The following DMD variants were observed in gnomAD, a reference collection of about 807,000 sequenced individuals.
The protein encoded by DMD is mutant dystrophin.
DMD carries 63 observed loss-of-function variants against 330.1 expected under a neutral mutation model. The observed-to-expected ratio is 0.19, with a 90% CI of 0.16 to 0.24. DMD has a LOEUF of 0.24. DMD is among the 10% of genes least tolerant of loss of function. The pLI is 1.00. For missense variants in DMD, 3,344 were observed against 2,684.1 expected, an observed-to-expected ratio of 1.25 and a Z score of -5.43; for synonymous variants, 1,223 against 959.8, an observed-to-expected ratio of 1.27 and a Z score of -5.07.
chrX:32,881,266 C>G (rs1156799261), intron 2 of DMD, among the ~76,000 whole-genome samples: 3 of 112,341 alleles, frequency 2.7e-5, no homozygotes, highest in Non-Finnish European at 5.6e-5. Flanking sequence ...CTTGCTTTAC[C>G]TTGGCTACAG....
At chrX:32,179,506 A>G (rs2096919935) in intron 44 of DMD, among the ~76,000 whole-genome samples, 1 of 112,399 alleles carries the variant, frequency 8.9e-6, no homozygotes, top group Non-Finnish European at 1.9e-5. Flanking sequence ...TCTGGATCTT[A>G]GGAGAAAATA....
intron 49 of DMD, among the ~76,000 whole-genome samples, chrX:31,824,919 G>A (rs73213887): frequency 0.077 from 8,587 of 110,971 alleles, 248 homozygotes; most frequent in Middle Eastern, 0.11. Context: ...TATCCAGAAT[G>A]CATGATGTAA....
intron 44 of DMD, among the ~76,000 whole-genome samples, chrX:32,050,987 T>TC (rs35739910): frequency 5.0e-5 from 5 of 99,261 alleles, no homozygotes; most frequent in South Asian, 4.6e-4. Context: ...TTTTTTTTTT[T>TC]CCCCCTAATA....
intron 2 of DMD, among the ~76,000 whole-genome samples, chrX:32,853,981 A>C (rs2081350160): frequency 9.0e-6 from 1 of 111,712 alleles, no homozygotes; most frequent in Admixed American, 9.5e-5. Flanking sequence ...GAAGAGACAA[A>C]GATCAACATA....
chrX:31,421,900 TACACACACAC>T (rs201760249), intron 60 of DMD, among the ~76,000 whole-genome samples: 15,699 of 84,170 alleles, frequency 0.19, 2,572 homozygotes, highest in African/African-American at 0.45. Flanking sequence ...TATATATATA[TACACACACAC>T]ACACATATAT....
intron 61 of DMD, among the ~76,000 whole-genome samples, chrX:31,324,888 A>G (rs1489715631): frequency 8.9e-6 from 1 of 112,348 alleles, no homozygotes; most frequent in Non-Finnish European, 1.9e-5. Context: ...ACTGCCAGAC[A>G]ATTTAAGCGT....
At chrX:31,191,728 A>AT (rs942117247) in intron 67 of DMD, among the ~76,000 whole-genome samples, 6 of 111,760 alleles carry the variant, frequency 5.4e-5, no homozygotes, top group Non-Finnish European at 1.1e-4. Flanking sequence ...AAATTGCCCC[A>AT]TCTCAGGTAT....
At chrX:32,671,995 A>C (rs1464460012) in intron 9 of DMD, among the ~76,000 whole-genome samples, 1 of 111,715 alleles carries the variant, frequency 9.0e-6, no homozygotes, top group Non-Finnish European at 1.9e-5. Flanking sequence ...AGAAAAGAAA[A>C]ATATGATGAT....
At chrX:32,755,494 G>A (rs1419484802) in intron 7 of DMD, among the ~76,000 whole-genome samples, 1 of 111,545 alleles carries the variant, frequency 9.0e-6, no homozygotes, top group Non-Finnish European at 1.9e-5. Context: ...TTCCCTGTGG[G>A]CAGGTAATGT....
At chrX:32,723,516 G>T (rs2066548778) in intron 7 of DMD, among the ~76,000 whole-genome samples, 1 of 111,341 alleles carries the variant, frequency 9.0e-6, no homozygotes, top group Admixed American at 9.6e-5. Context: ...TTAAATGTTT[G>T]GAAGAAATGA....
chrX:33,265,379 A>AT (rs962040444), intron 1 of DMD, among the ~76,000 whole-genome samples: 3 of 110,824 alleles, frequency 2.7e-5, no homozygotes, highest in East Asian at 5.7e-4. Context: ...TTATTTATTT[A>AT]TTTTTTTGCT....
intron 43 of DMD, among the ~76,000 whole-genome samples, chrX:32,263,234 C>T (rs2097330807): frequency 8.9e-6 from 1 of 111,767 alleles, no homozygotes; most frequent in Non-Finnish European, 1.9e-5. Flanking sequence ...TGCTAGATTT[C>T]AGGGAAAAAT....
At chrX:31,286,413 T>A (rs2053215294) in intron 62 of DMD, among the ~76,000 whole-genome samples, 1 of 112,747 alleles carries the variant, frequency 8.9e-6, no homozygotes, top group Non-Finnish European at 1.9e-5. Context: ...GTTTATCAGA[T>A]AATTTTGATA....
At chrX:32,524,180 C>T (rs2046727320) in intron 17 of DMD, among the ~76,000 whole-genome samples, 1 of 110,976 alleles carries the variant, frequency 9.0e-6, no homozygotes, top group African/African-American at 3.3e-5. Flanking sequence ...TAGATCCGCC[C>T]GCCTCGGCCT....
At chrX:33,256,337 T>C (rs2052855898) in intron 1 of DMD, among the ~76,000 whole-genome samples, 2 of 110,747 alleles carry the variant, frequency 1.8e-5, no homozygotes, top group African/African-American at 6.5e-5. Context: ...CAATTCCTAA[T>C]GTTTAAAAAT....
rs192679480 is a variant in DMD at position 32,381,683 on chromosome X, A to G, written c.4675-1003T>C. Among the ~76,000 whole-genome samples the G allele has an allele frequency of 2.9e-3, 321 of 111,918 alleles. 2 individuals carry two copies. Among genetic ancestry groups the G allele is most frequent in the Middle Eastern group, 0.014 (3 of 218 alleles). ...AATAAAGGAATGAATGAAGACTTGC[A>G]AATCGTTAATTACAAGTTAGAAAAT... On this transcript the variant is annotated intron_variant, in intron 33 of 78. Transcript: ENST00000357033.
At chrX:33,165,952 A>C (rs1284897639) in intron 1 of DMD, among the ~76,000 whole-genome samples, 1 of 111,386 alleles carries the variant, frequency 9.0e-6, no homozygotes, top group East Asian at 2.8e-4. Context: ...GGAAGCGCTC[A>C]AGTTTTGATG....
chrX:33,328,760 C>T lies in DMD; in HGVS notation c.7+10499G>A, dbSNP rs192986098. Among the ~76,000 whole-genome samples the T allele has an allele frequency of 3.9e-4, 44 of 111,474 alleles. 2 individuals are homozygous for T. In the East Asian group the frequency reaches 0.012, roughly 30 times the overall value. ...TTTTATTACGTATCTGGCCTTACTACTAACTGGAAGAAACTTAAAAGAAAT... is the reference window on the plus strand; with the variant it reads ...TTTTATTACGTATCTGGCCTTACTATTAACTGGAAGAAACTTAAAAGAAAT... On this transcript the variant is annotated intron_variant, in intron 1 of 17. Coordinates refer to the DMD transcript ENST00000288447.
At chrX:31,431,771 T>C (rs1385160570) in intron 60 of DMD, among the ~76,000 whole-genome samples, 2 of 108,673 alleles carry the variant, frequency 1.8e-5, no homozygotes, top group Non-Finnish European at 3.8e-5. Context: ...CTGTTGAACA[T>C]AAGACAAATT....
Sources: allele counts gnomAD v4.1 joint callset (sites outside exome capture counted in the v4.1 genomes callset), GRCh38; gene constraint gnomAD v4.1.1; transcripts MANE v1.5; gene names NCBI Gene and HGNC (gene_info 2026-07-23, HGNC 2026-07-21).